CFAP77: variants seen among roughly 807,000 people sequenced by gnomAD.
CFAP77 encodes the protein cilia and flagella associated protein 77.
A neutral mutation model predicts 31.1 loss-of-function variants in CFAP77; 25 were observed. That is an observed-to-expected ratio of 0.80 (90% confidence interval 0.59 to 1.12). CFAP77 has a LOEUF of 1.12. Among genes scored for constraint, CFAP77 ranks in the 50% most tolerant of loss-of-function variants. The pLI is 0.00. For synonymous variants in CFAP77, 151 were observed against 159.9 expected, an observed-to-expected ratio of 0.94 and a Z score of 0.42; for missense variants, 377 against 397.3, an observed-to-expected ratio of 0.95 and a Z score of 0.44.
intron 1 of CFAP77, among the ~76,000 whole-genome samples, chr9:132,412,572 C>T (rs1291761635): frequency 8.1e-6 from 1 of 123,824 alleles, no homozygotes; most frequent in Non-Finnish European, 1.7e-5. Flanking sequence ...ACACTGAAGC[C>T]ACCTCTGTTG....
At chr9:132,476,759 A>T (rs1655545305) in intron 1 of CFAP77, among the ~76,000 whole-genome samples, 1 of 152,132 alleles carries the variant, frequency 6.6e-6, no homozygotes, top group South Asian at 2.1e-4. Context: ...CAAGCCAAGG[A>T]GCACCGCAGA....
intron 3 of CFAP77, among the ~76,000 whole-genome samples, chr9:132,529,532 T>TAAAAAAAAAA (rs1852399501): frequency 1.8e-5 from 2 of 108,744 alleles, no homozygotes; most frequent in African/African-American, 8.3e-5. Flanking sequence ...AAAAAAAAAC[T>TAAAAAAAAAA]AAACACATAC....
intron 3 of CFAP77, among the ~76,000 whole-genome samples, chr9:132,510,907 A>G (rs1230475632): frequency 6.6e-6 from 1 of 151,812 alleles, no homozygotes; most frequent in Non-Finnish European, 1.5e-5. Flanking sequence ...GTAGCAACTG[A>G]CTCTCTTATC....
At chr9:132,489,968 A>G (rs1484506762) in intron 1 of CFAP77, among the ~76,000 whole-genome samples, 2 of 152,170 alleles carry the variant, frequency 1.3e-5, no homozygotes, top group African/African-American at 4.8e-5. Context: ...TAGAAAGAAT[A>G]GAAATTTGTT....
chr9:132,443,713 G>A (rs764870248), intron 1 of CFAP77, among the ~76,000 whole-genome samples: 2 of 152,168 alleles, frequency 1.3e-5, no homozygotes, highest in East Asian at 1.9e-4. Context: ...AACCCAAGAC[G>A]TAGGAAGCAT....
chr9:132,418,968 C>T (rs1392324300), intron 1 of CFAP77, among the ~76,000 whole-genome samples: 2 of 152,182 alleles, frequency 1.3e-5, no homozygotes, highest in Non-Finnish European at 2.9e-5. Context: ...TACAGCATTT[C>T]AGGGAAGCAA....
intron 4 of CFAP77, among the ~76,000 whole-genome samples, chr9:132,541,373 G>C (rs570728440): frequency 1.3e-5 from 2 of 152,180 alleles, no homozygotes; most frequent in African/African-American, 4.8e-5. Flanking sequence ...CCGAAGCCTG[G>C]CTCCATAACC....
In CFAP77 at chr9:132,554,882, A is replaced by G. The variant is rs1852873346; in HGVS notation, c.732+11835A>G. Among the ~76,000 whole-genome samples the G allele has an allele frequency of 1.3e-5, 2 of 151,848 alleles. No individual in the cohort carries two copies. Among genetic ancestry groups the G allele is most frequent in the Non-Finnish European group, 2.9e-5 (2 of 67,952 alleles). On this transcript the variant is annotated intron_variant, in intron 5 of 5. Coordinates refer to ENST00000393216, the MANE Select transcript of CFAP77 (RefSeq NM_001282957.2). The surrounding 1 kb of genome is among the most constrained non-coding windows in gnomAD (Gnocchi z 4.1). ...CATCCATCTGTCCATTCATTCATCT[A>G]TCCAACCATCTATCTATCCATCCAT...
rs749625848 is a variant in CFAP77 at position 132,490,554 on chromosome 9, A to G, written c.196-8141A>G. Among the ~76,000 whole-genome samples, 12 of 152,144 alleles carry G rather than the reference A, an allele frequency of 7.9e-5. No homozygotes were observed. Among genetic ancestry groups the G allele is most frequent in the Admixed American group, 5.2e-4 (8 of 15,286 alleles). On this transcript the variant is annotated intron_variant, in intron 1 of 5. Transcript: ENST00000393216. The surrounding 1 kb of genome is among the most constrained non-coding windows in gnomAD (Gnocchi z 4.6). ...GGCTTCTAGAAGGCCCCACTGGACA[A>G]GCTGGGGAGGGAGGCCAAGGGTCAG...
At chr9:132,540,350 G>A (rs73659081) in intron 4 of CFAP77, among the ~76,000 whole-genome samples, 4,876 of 152,202 alleles carry the variant, frequency 0.032, 247 homozygotes, top group African/African-American at 0.11. Flanking sequence ...AAAACAGCTC[G>A]TGTGGTTTGG....
At position 132,539,107 on chromosome 9, in the gene CFAP77, A is replaced by T. The variant is rs922980586; in HGVS notation, c.630+1401A>T. 2.0e-5 allele frequency among the ~76,000 whole-genome samples: 3 copies of T among 152,160 alleles called. No homozygotes were observed. Among genetic ancestry groups the T allele is most frequent in the East Asian group, 1.9e-4 (1 of 5,200 alleles). On this transcript the variant is annotated intron_variant, in intron 4 of 5. Transcript: ENST00000393216. This position sits in a 1 kb window ranked among gnomAD's most constrained non-coding sequence, Gnocchi z 4.3. ...GTCTCGATAAAAAAATAAATAAATA[A>T]AAATAAATAAATAAAATAGTACTTC...
intron 1 of CFAP77, among the ~76,000 whole-genome samples, chr9:132,416,046 A>C (rs956847596): frequency 2.6e-5 from 4 of 152,146 alleles, no homozygotes; most frequent in African/African-American, 7.2e-5. Flanking sequence ...AATGCTTGTA[A>C]AATGTGTCAC....
chr9:132,454,832 C>T (rs994113392), intron 1 of CFAP77, among the ~76,000 whole-genome samples: 1 of 152,096 alleles, frequency 6.6e-6, no homozygotes, highest in African/African-American at 2.4e-5. Flanking sequence ...GACATGTGGA[C>T]CTCAGGCACC....
At chr9:132,558,291 G>A (rs1284767431) in intron 5 of CFAP77, among the ~76,000 whole-genome samples, 1 of 152,214 alleles carries the variant, frequency 6.6e-6, no homozygotes, top group Non-Finnish European at 1.5e-5. Flanking sequence ...GAAAGCTTTT[G>A]TGCTTCAAAC....
At chr9:132,415,319 G>C (rs1850076952) in intron 1 of CFAP77, among the ~76,000 whole-genome samples, 1 of 151,840 alleles carries the variant, frequency 6.6e-6, no homozygotes, top group Non-Finnish European at 1.5e-5. Flanking sequence ...CCACTTCTGG[G>C]TGCCCAGGTA....
chr9:132,410,342 C>A lies in CFAP77; in HGVS notation c.71C>A (p.Thr24Lys), dbSNP rs769716481. The change falls in exon 1 of 6, where the codon ACG (threonine) becomes AAG (lysine). Residue 24 changes from threonine to lysine, a missense_variant. Physicochemically the swap from Thr to Lys is moderately conservative, Grantham distance 78 (BLOSUM62 -1). Coordinates refer to ENST00000393216, the MANE Select transcript of CFAP77 (RefSeq NM_001282957.2). ...AAGCAGCAGCAGCCTGTGCGCCGCA[C>A]GGTCAGCCAGGTCTGCCCGCCCCCG... ...WRKQQQPVRRTVSQVCPPPRR... is the reference protein window; with the variant it reads ...WRKQQQPVRRKVSQVCPPPRR... 6.3e-7 allele frequency: 1 copy of A among 1,598,036 alleles called. No homozygotes were observed. The highest frequency in any genetic ancestry group is 1.1e-5 in the South Asian group (1 of 89,428).
intron 1 of CFAP77, among the ~76,000 whole-genome samples, chr9:132,421,015 T>A (rs1172591242): frequency 2.1e-5 from 3 of 141,378 alleles, no homozygotes; most frequent in Admixed American, 7.2e-5. Flanking sequence ...TTTTTTTTTT[T>A]TTTTTTTTTT....
chr9:132,476,569 G>A (rs902552584), intron 1 of CFAP77, among the ~76,000 whole-genome samples: 12 of 152,140 alleles, frequency 7.9e-5, no homozygotes, highest in African/African-American at 2.9e-4. Flanking sequence ...TGGAAATAGG[G>A]TCTTTGCAGA....
In CFAP77 at chr9:132,561,644, CACACACACACACACACA is replaced by C. The variant is rs1564253278; in HGVS notation, c.733-10743_733-10727del. The stretch of plus-strand genomic sequence containing the variant: ...ACACACACACACACACACACACACA[CACACACACACACACACA>C]CCCCCTCCATGTGTCTCTGGGATGG... On this transcript the variant is annotated intron_variant, in intron 5 of 5. Coordinates refer to ENST00000393216, the MANE Select transcript of CFAP77 (RefSeq NM_001282957.2). Among the ~76,000 whole-genome samples, 486 of 108,860 alleles carry C rather than the reference CACACACACACACACACA, an allele frequency of 4.5e-3. 4 individuals carry two copies. Among genetic ancestry groups the C allele is most frequent in the African/African-American group, 0.029 (461 of 16,172 alleles). 71.4% of individuals were successfully genotyped at this position (108,860 alleles called of 152,430 possible).
Sources: allele counts gnomAD v4.1 joint callset (sites outside exome capture counted in the v4.1 genomes callset), GRCh38; gene constraint gnomAD v4.1.1; non-coding constraint Gnocchi (gnomAD v3.1); transcripts MANE v1.5; gene names NCBI Gene and HGNC (gene_info 2026-07-23, HGNC 2026-07-21).